Variants in COL5A2 observed in about 807,000 individuals in gnomAD.
COL5A2 encodes the protein collagen type V alpha 2 chain, also known as collagen alpha-2(V) chain.
COL5A2 carries 23 observed loss-of-function variants against 208.2 expected under a neutral mutation model. That is an observed-to-expected ratio of 0.11 (90% CI 0.08 to 0.16). COL5A2 has a LOEUF of 0.16. Ranked by LOEUF, COL5A2 falls within the 10% of genes least tolerant of loss-of-function variation. The pLI, the probability that COL5A2 is intolerant of heterozygous loss-of-function variation, is 1.00. For missense variants in COL5A2, 1,590 were observed against 1,956.4 expected (o/e 0.81, Z 3.53); for synonymous variants, 625 against 628.5 (o/e 0.99, Z 0.08).
intron 38 of COL5A2, 76 bp from the exon 39 acceptor site, chr2:189,053,094 G>A: frequency 1.8e-5 from 20 of 1,131,006 alleles, no homozygotes; most frequent in Middle Eastern, 2.0e-4. Context: ...TATTACTAAT[G>A]TATCAATTAA....
At chr2:189,366,863 T>G in the COL5A2 span, among the ~76,000 whole-genome samples, 1 of 152,192 alleles carries the variant, frequency 6.6e-6, no homozygotes, top group African/African-American at 2.4e-5. Context: ...CCCAATTATA[T>G]CATTGTCACG....
the COL5A2 span, among the ~76,000 whole-genome samples, chr2:189,434,535 AACAG>A: frequency 6.6e-6 from 1 of 151,900 alleles, no homozygotes; most frequent in Non-Finnish European, 1.5e-5. Context: ...ATACACCAAT[AACAG>A]ACAGAGAGCC....
chr2:189,072,500 G>A (rs72904429), intron 17 of COL5A2, among the ~76,000 whole-genome samples: 2 of 151,990 alleles, frequency 1.3e-5, no homozygotes, highest in Non-Finnish European at 2.9e-5. Flanking sequence ...GGCCAGGCAC[G>A]GTGGCTCATG....
chr2:189,296,251 T>C, the COL5A2 span, among the ~76,000 whole-genome samples: 2 of 152,190 alleles, frequency 1.3e-5, no homozygotes, highest in Admixed American at 6.5e-5. Flanking sequence ...TTTAATACTA[T>C]ATTTTTTTTA....
chr2:189,058,395 C>G, intron 33 of COL5A2, 34 bp downstream of exon 33: 1 of 1,512,732 alleles, frequency 6.6e-7, no homozygotes, highest in Non-Finnish European at 9.2e-7. Flanking sequence ...AATTTTAAAG[C>G]ATTTTAAAAC....
intron 1 of COL5A2, among the ~76,000 whole-genome samples, chr2:189,212,864 AATATAT>A (rs34736257): frequency 2.1e-5 from 3 of 144,230 alleles, no homozygotes; most frequent in African/African-American, 2.6e-5. Flanking sequence ...TATAGTGTTA[AATATAT>A]ATATATATAT....
At chr2:189,058,741 C>T (rs1685956996) in intron 32 of COL5A2, 108 bp downstream of exon 32, 1 of 1,096,212 alleles carries the variant, frequency 9.1e-7, no homozygotes, top group East Asian at 2.6e-5. Flanking sequence ...TTTATCCAGT[C>T]AAAGAATTTA....
chr2:189,109,330 G>T (rs1166072659), intron 2 of COL5A2, among the ~76,000 whole-genome samples: 2 of 151,976 alleles, frequency 1.3e-5, no homozygotes, highest in African/African-American at 4.8e-5. Context: ...TTACTGAAAA[G>T]TGAGTGTAGG....
rs201299226 is a variant in COL5A2 at position 189,050,620 on chromosome 2, G to A, written c.2988C>T (p.Gly996=). Residue 996 remains glycine (G), a synonymous_variant, in exon 43 of 54, where the codon GGC becomes GGT. Coordinates refer to ENST00000374866, the MANE Select transcript of COL5A2 (RefSeq NM_000393.5). The stretch of plus-strand genomic sequence containing the variant: ...CTCTCTCTCCACGTTGCCCAGGCAT[G>A]CCAACAATTCCTCTCTGCCCGGTCG... ...AGTTGQRGIV[G]MPGQRGERGM... 1.0e-4 allele frequency: 156 copies of A among 1,552,626 alleles called. No individual in the cohort carries two copies. The East Asian group carries it at 3.8e-3, about 37-fold the overall frequency.
chr2:189,326,088 C>A, the COL5A2 span, among the ~76,000 whole-genome samples: 2 of 107,154 alleles, frequency 1.9e-5, no homozygotes, highest in Non-Finnish European at 1.9e-5. Flanking sequence ...CAGAGCAAGA[C>A]CCTGTCTCAA....
intron 50 of COL5A2, among the ~76,000 whole-genome samples, chr2:189,040,802 G>T (rs1284831174): frequency 2.0e-5 from 3 of 152,128 alleles, no homozygotes; most frequent in African/African-American, 7.2e-5. Flanking sequence ...TAAGCTGAAG[G>T]TATTCCAATT....
At chr2:189,268,551 T>C in the COL5A2 span, among the ~76,000 whole-genome samples, 25 of 152,210 alleles carry the variant, frequency 1.6e-4, no homozygotes, top group African/African-American at 5.8e-4. Context: ...CAACTGCAGA[T>C]TTGCTGCTAA....
the COL5A2 span, among the ~76,000 whole-genome samples, chr2:189,296,377 C>T: frequency 6.6e-6 from 1 of 151,956 alleles, no homozygotes; most frequent in Non-Finnish European, 1.5e-5. Context: ...TGTAGTTATC[C>T]TGCTGGTCAT....
Position 189,206,796 on chromosome 2 carries a change from A to T in COL5A2, c.-42+18352T>A, listed in dbSNP as rs533177723. ...CAGGATTGTGAAAGATGACTTTGGA[A>T]GATTTGGATAACAATGACACATACT... On this transcript the variant is annotated intron_variant, in intron 1 of 10. Transcript: ENST00000649966. 2.0e-5 allele frequency among the ~76,000 whole-genome samples: 3 copies of T among 152,340 alleles called. No homozygotes were observed. The South Asian group carries it at 6.2e-4, about 32-fold the overall frequency.
At chr2:189,126,560 G>C (rs1262453836) in intron 1 of COL5A2, among the ~76,000 whole-genome samples, 1 of 152,000 alleles carries the variant, frequency 6.6e-6, no homozygotes, top group Non-Finnish European at 1.5e-5. Context: ...CAGCTCTTTG[G>C]CTTCTAAAAC....
the COL5A2 span, among the ~76,000 whole-genome samples, chr2:189,298,281 T>C: frequency 2.0e-5 from 3 of 152,232 alleles, no homozygotes; most frequent in Non-Finnish European, 4.4e-5. Flanking sequence ...TGATGCCTTA[T>C]GCATGGAAGC....
In COL5A2 at chr2:189,041,576, G is replaced by A; in HGVS notation, c.3633+10C>T. ...TAGCATTTCTTGCATGTAAACCTTT[G>A]TGACTTTACCTCAGGTCCTGCTTCT... On this transcript the variant is annotated intron_variant, in intron 50 of 53. Transcript: ENST00000374866. 6.3e-7 allele frequency: 1 copy of A among 1,590,534 alleles called. No homozygotes were observed. The highest frequency in any genetic ancestry group is 8.6e-7 in the Non-Finnish European group (1 of 1,158,570).
the COL5A2 span, among the ~76,000 whole-genome samples, chr2:189,339,548 A>G: frequency 1.3e-5 from 2 of 152,326 alleles, no homozygotes; most frequent in Admixed American, 1.3e-4. Flanking sequence ...ACAGAAAGCC[A>G]ATCACTGAGC....
the COL5A2 span, among the ~76,000 whole-genome samples, chr2:189,286,137 T>C: frequency 6.6e-6 from 1 of 151,750 alleles, no homozygotes; most frequent in African/African-American, 2.4e-5. Flanking sequence ...TAAATTGACA[T>C]AGGCAGGTCA....
Sources: gnomAD v4.1 joint callset for allele counts (sites outside exome capture counted in the v4.1 genomes callset) on GRCh38, gnomAD v4.1.1 for gene constraint, MANE v1.5 for transcripts, NCBI Gene and HGNC (gene_info 2026-07-23, HGNC 2026-07-21) for gene names.